Variants in C2 observed in about 807,000 individuals in gnomAD.
The protein encoded by C2 is C3/C5 convertase.
Under a neutral mutation model 85.2 loss-of-function variants are expected in C2, and 64 were observed. That is an observed-to-expected ratio of 0.75 (90% CI 0.61 to 0.92). The LOEUF is 0.92. C2 is among the 40% of genes least tolerant of loss of function. The pLI is 0.00. For missense variants in C2, 820 were observed against 971.6 expected, an observed-to-expected ratio of 0.84 and a Z score of 2.07; for synonymous variants, 311 against 370.8, an observed-to-expected ratio of 0.84 and a Z score of 1.85.
chr6:31,899,080 GTTTT>G (rs200227065), upstream of C2, among the ~76,000 whole-genome samples: 1 of 150,870 alleles, frequency 6.6e-6, no homozygotes, highest in South Asian at 2.1e-4. Flanking sequence ...AAAAAAAAAA[GTTTT>G]TTTTTGTTTT....
chr6:31,906,393 C>T (rs1767716702), intron 1 of C2, among the ~76,000 whole-genome samples: 1 of 151,828 alleles, frequency 6.6e-6, no homozygotes, highest in South Asian at 2.1e-4. Context: ...CTCTCCCAGC[C>T]TCAACCTGCC....
chr6:31,900,195 T>G, upstream of C2: 1 of 1,614,200 alleles, frequency 6.2e-7, no homozygotes, highest in Non-Finnish European at 8.5e-7. This position sits in a 1 kb window ranked among gnomAD's most constrained non-coding sequence, Gnocchi z 9.7. Flanking sequence ...AGGTTGCTGC[T>G]GTGGTTGAAC....
chr6:31,914,949 G>A (rs1768400021), intron 1 of C2, among the ~76,000 whole-genome samples: 1 of 152,086 alleles, frequency 6.6e-6, no homozygotes, highest in Non-Finnish European at 1.5e-5. Flanking sequence ...TGAACAAGCA[G>A]TCATGGTGCA....
At chr6:31,938,838 A>C (rs1047855855) in intron 8 of C2, among the ~76,000 whole-genome samples, 2 of 152,050 alleles carry the variant, frequency 1.3e-5, no homozygotes, top group African/African-American at 2.4e-5. Context: ...TATTTAGTAG[A>C]GGTGCGGTTT....
chr6:31,943,208 G>T lies in C2; in HGVS notation c.1361-17G>T. The T allele has an allele frequency of 6.2e-7, 1 of 1,612,856 alleles. No homozygotes were observed. Among genetic ancestry groups the T allele is most frequent in the Non-Finnish European group, 8.5e-7 (1 of 1,179,874 alleles). On this transcript the variant is annotated splice_polypyrimidine_tract_variant and intron_variant, in intron 10 of 17. Coordinates refer to ENST00000299367, the MANE Select transcript of C2 (RefSeq NM_000063.6). The surrounding 1 kb of genome is among the most constrained non-coding windows in gnomAD (Gnocchi z 6.4). ...CCCTCACTTGCCTCCTTCCCCATCT[G>T]ATCCTCACACCCACAGATGTCTCCA...
intron 1 of C2, chr6:31,901,356 A>C: frequency 6.4e-7 from 1 of 1,552,838 alleles, no homozygotes; most frequent in Non-Finnish European, 8.7e-7. Flanking sequence ...TCAGAGACAA[A>C]GGTCTCTGGC....
chr6:31,934,054 G>GC, intron 5 of C2, 89 bp downstream of exon 5: 1 of 1,545,038 alleles, frequency 6.5e-7, no homozygotes, highest in Non-Finnish European at 8.9e-7. Context: ...GAGGCCAGGA[G>GC]CCTTGGTGGG....
At chr6:31,898,643 CTTTT>C (rs75322477), upstream of C2, among the ~76,000 whole-genome samples, 1 of 135,670 alleles carries the variant, frequency 7.4e-6, no homozygotes, top group African/African-American at 2.8e-5. Flanking sequence ...CCAAACTTAG[CTTTT>C]TTTTTTTTTT....
rs986427162 is a variant in C2 at position 31,920,360 on chromosome 6, C to T, written c.-100+334C>T. On this transcript the variant is annotated intron_variant, in intron 1 of 3. Transcript: ENST00000413154. The surrounding 1 kb of genome is among the most constrained non-coding windows in gnomAD (Gnocchi z 5.6). Reference sequence around the variant, plus strand: ...GGAAGGGGATGAATATCTCCCCACTCCCCAGGATAAAGGAAAACATTAGAG... The same window carrying T: ...GGAAGGGGATGAATATCTCCCCACTTCCCAGGATAAAGGAAAACATTAGAG... 6.6e-6 allele frequency among the ~76,000 whole-genome samples: 1 copy of T among 152,108 alleles called. No individual in the cohort carries two copies. Among genetic ancestry groups the T allele is most frequent in the African/African-American group, 2.4e-5 (1 of 41,410 alleles).
intron 3 of C2, among the ~76,000 whole-genome samples, chr6:31,931,838 G>A (rs1414186915): frequency 2.0e-5 from 3 of 151,858 alleles, no homozygotes; most frequent in Admixed American, 1.3e-4. Flanking sequence ...CAGTAGGCGC[G>A]GCCGGGCAGA....
Position 31,933,916 on chromosome 6 carries a change from T to C in C2, c.666T>C (p.Thr222=), listed in dbSNP as rs1412448954. Reference sequence around the variant, plus strand: ...AGGACGTGGCCCCTGCCCTGGGCACTTCCTTCTCCCACATGCTTGGGGCCA... The same window carrying C: ...AGGACGTGGCCCCTGCCCTGGGCACCTCCTTCTCCCACATGCTTGGGGCCA... The part of the protein sequence containing the change: ...FPEDVAPALG[T]SFSHMLGATN... The change falls in exon 5 of 18, where the codon ACT becomes ACC. Residue 222 remains threonine (T), a synonymous_variant. Transcript: ENST00000299367. 1 of 1,614,184 alleles carries C rather than the reference T, an allele frequency of 6.2e-7. No individual in the cohort carries two copies. Among genetic ancestry groups the C allele is most frequent in the South Asian group, 1.1e-5 (1 of 91,084 alleles).
chr6:31,908,123 G>A lies in C2; in HGVS notation c.73+6984G>A, dbSNP rs963725847. Among the ~76,000 whole-genome samples the A allele has an allele frequency of 1.9e-4, 28 of 150,426 alleles. 1 individual carries two copies. Among genetic ancestry groups the A allele is most frequent in the Non-Finnish European group, 3.4e-4 (23 of 67,704 alleles). On this transcript the variant is annotated intron_variant, in intron 1 of 3. Coordinates refer to the C2 transcript ENST00000452202. Reference sequence around the variant, plus strand: ...AGCCTCCCAAAGTGCTGGGATTACAGGCATGAGCCGCAGCACCCGGCCATT... The same window carrying A: ...AGCCTCCCAAAGTGCTGGGATTACAAGCATGAGCCGCAGCACCCGGCCATT...
Position 31,943,743 on chromosome 6 carries a change from A to C in C2, c.1667A>C (p.Glu556Ala), listed in dbSNP as rs1214493299. 1.2e-6 allele frequency: 2 copies of C among 1,613,062 alleles called. No homozygotes were observed. The change falls in exon 13 of 18, where the codon GAG becomes GCG. Residue 556 changes from glutamate (E) to alanine (A), a missense_variant. Transcript: ENST00000299367. This position sits in a 1 kb window ranked among gnomAD's most constrained non-coding sequence, Gnocchi z 6.4. ...VFAKKNQGIL[E>A]FYGDDIALLK... ...GCCAAAAAGAACCAGGGAATCCTGG[A>C]GTTCTATGGTGATGACATAGCTCTG...
Position 31,901,345 on chromosome 6 carries a change from G to T in C2, c.73+206G>T, listed in dbSNP as rs45462992. 3.5e-4 allele frequency: 546 copies of T among 1,574,738 alleles called. 1 individual carries two copies. The highest frequency in any genetic ancestry group is 4.5e-4 in the Non-Finnish European group (525 of 1,158,692). On this transcript the variant is annotated intron_variant, in intron 1 of 3. Coordinates refer to the C2 transcript ENST00000452202. ...GCAACCCTGGTTGGGAAGGAAACCG[G>T]TCAGAGACAAAGGTCTCTGGCTCTC... is the stretch of plus-strand genomic sequence containing the variant.
chr6:31,938,388 G>A (rs1349953220), intron 8 of C2, among the ~76,000 whole-genome samples: 5 of 151,242 alleles, frequency 3.3e-5, no homozygotes, highest in African/African-American at 1.2e-4. Context: ...TTAAAGTATA[G>A]GAAGCACCTG....
intron 1 of C2, among the ~76,000 whole-genome samples, chr6:31,911,331 A>T (rs1036625443): frequency 6.6e-6 from 1 of 152,152 alleles, no homozygotes; most frequent in African/African-American, 2.4e-5. Context: ...ATAAAAAAAA[A>T]AATAAAATGA....
intron 8 of C2, among the ~76,000 whole-genome samples, chr6:31,938,484 A>ATATG (rs1656423219): frequency 7.2e-6 from 1 of 139,518 alleles, no homozygotes; most frequent in African/African-American, 2.5e-5. Flanking sequence ...ATACATACAT[A>ATATG]TATATATATA....
At chr6:31,919,907 G>A (rs753973010), upstream of C2, 1 of 152,100 alleles carries the variant, frequency 6.6e-6, no homozygotes. Flanking sequence ...AAATATCCTG[G>A]TACCTTTTAT....
upstream of C2, among the ~76,000 whole-genome samples, chr6:31,917,680 C>T (rs193114745): frequency 2.0e-5 from 3 of 151,364 alleles, no homozygotes; most frequent in African/African-American, 7.3e-5. Flanking sequence ...CTGAGGTAGG[C>T]GGATCACCTG....
Sources: allele counts gnomAD v4.1 joint callset (sites outside exome capture counted in the v4.1 genomes callset), GRCh38; gene constraint gnomAD v4.1.1; non-coding constraint Gnocchi (gnomAD v3.1); transcripts MANE v1.5; gene names NCBI Gene and HGNC (gene_info 2026-07-23, HGNC 2026-07-21).